Variants in ELFN2 observed in about 807,000 individuals in gnomAD.
ELFN2 encodes extracellular leucine rich repeat and fibronectin type III domain containing 2, also known as protein phosphatase 1 regulatory subunit 29.
A neutral mutation model predicts 45.5 loss-of-function variants in ELFN2; 17 were observed. The ratio of observed to expected loss-of-function variants is 0.37; its 90% CI spans 0.26 to 0.56. ELFN2 has a LOEUF of 0.56. ELFN2 is among the 20% of genes least tolerant of loss of function. The pLI, the probability that ELFN2 is intolerant of heterozygous loss-of-function variation, is 0.77. For missense variants in ELFN2, 922 were observed against 1,183.2 expected, an observed-to-expected ratio of 0.78 and a Z score of 3.24; for synonymous variants, 550 against 551.5, an observed-to-expected ratio of 1.00 and a Z score of 0.04.
downstream of ELFN2, among the ~76,000 whole-genome samples, chr22:37,363,084 G>A (rs547790237): frequency 6.6e-6 from 1 of 152,168 alleles, no homozygotes; most frequent in African/African-American, 2.4e-5. Flanking sequence ...CAGCTCCCTT[G>A]GTGGGTCAGT....
At chr22:37,364,323 C>T (rs945263878), downstream of ELFN2, among the ~76,000 whole-genome samples, 2 of 152,172 alleles carry the variant, frequency 1.3e-5, no homozygotes, top group African/African-American at 4.8e-5. Flanking sequence ...GGCCACGGGG[C>T]AGCCTCAGGG....
At chr22:37,359,521 A>G (rs1400820735) in intron 1 of ELFN2, among the ~76,000 whole-genome samples, 1 of 152,184 alleles carries the variant, frequency 6.6e-6, no homozygotes, top group Non-Finnish European at 1.5e-5. Context: ...AGCCTCCTTC[A>G]TTCAGCCAAC....
chr22:37,343,815 C>T (rs1930622451), intron 1 of ELFN2, among the ~76,000 whole-genome samples: 1 of 151,732 alleles, frequency 6.6e-6, no homozygotes, highest in African/African-American at 2.4e-5. Flanking sequence ...TTCTAATCCT[C>T]CCCACACCCT....
At chr22:37,342,194 C>T (rs73408357) in intron 2 of ELFN2, among the ~76,000 whole-genome samples, 2,917 of 152,286 alleles carry the variant, frequency 0.019, 83 homozygotes, top group African/African-American at 0.067. Flanking sequence ...CACGGAGAAG[C>T]GGAGTGAAGC....
At chr22:37,421,443 C>T (rs1217483542) in intron 1 of ELFN2, among the ~76,000 whole-genome samples, 1 of 152,210 alleles carries the variant, frequency 6.6e-6, no homozygotes, top group Non-Finnish European at 1.5e-5. Context: ...CCACACCTGG[C>T]CTCCAGCCTG....
At chr22:37,410,288 T>C (rs1480982337) in intron 2 of ELFN2, among the ~76,000 whole-genome samples, 1 of 152,120 alleles carries the variant, frequency 6.6e-6, no homozygotes, top group East Asian at 1.9e-4. Context: ...GCAGCCACTT[T>C]AGGCTGGTCC....
chr22:37,379,227 G>A (rs577228725), intron 2 of ELFN2, among the ~76,000 whole-genome samples: 24 of 152,296 alleles, frequency 1.6e-4, no homozygotes, highest in East Asian at 7.7e-4. Context: ...CAGGGGACAC[G>A]GGCACCTGCT....
intron 1 of ELFN2, among the ~76,000 whole-genome samples, chr22:37,344,650 T>A (rs7285437): frequency 0.45 from 68,100 of 151,908 alleles, 15,642 homozygotes; most frequent in Middle Eastern, 0.53. Flanking sequence ...CCACACTGTC[T>A]CTACCCCCCT....
At chr22:37,402,955 A>G (rs924415687) in intron 2 of ELFN2, among the ~76,000 whole-genome samples, 6 of 152,004 alleles carry the variant, frequency 3.9e-5, no homozygotes, top group Non-Finnish European at 1.5e-5. Flanking sequence ...TCTCCTCCAC[A>G]TCCTCCACTT....
intron 1 of ELFN2, among the ~76,000 whole-genome samples, chr22:37,357,162 A>G (rs1930971784): frequency 6.6e-6 from 1 of 152,166 alleles, no homozygotes; most frequent in African/African-American, 2.4e-5. Context: ...TATGTCTCGT[A>G]TTCCAGCCAC....
At chr22:37,396,473 C>T (rs9610733) in intron 2 of ELFN2, among the ~76,000 whole-genome samples, 33,320 of 152,158 alleles carry the variant, frequency 0.22, 3,875 homozygotes, top group South Asian at 0.39. Context: ...GATCCCCCAG[C>T]GGGCACACCT....
Position 37,374,355 on chromosome 22 carries a change from T to A in ELFN2, c.1180A>T (p.Thr394Ser). The A allele has an allele frequency of 1.2e-6, 2 of 1,613,886 alleles. No individual in the cohort carries two copies. Among genetic ancestry groups the A allele is most frequent in the Non-Finnish European group, 1.7e-6 (2 of 1,179,978 alleles). Residue 394 changes from threonine to serine, a missense_variant, in exon 3 of 3, where the codon ACC (threonine) becomes TCC (serine). Thr to Ser is a moderately conservative substitution (Grantham distance 58). This residue lies in a region of ELFN2 where 564 missense variants were observed against 642.8 expected (regional missense o/e 0.88). Transcript: ENST00000402918. The part of the protein sequence containing the change: ...PGDLAPSTST[T>S]THYIMTILGC... ...AGGATGGTCATGATGTAGTGGGTGG[T>A]GGTGGAGGTGCTGGGCGCCAAGTCT...
intron 1 of ELFN2, among the ~76,000 whole-genome samples, chr22:37,348,602 G>A (rs1272854849): frequency 6.6e-6 from 1 of 150,514 alleles, no homozygotes; most frequent in Non-Finnish European, 1.5e-5. Flanking sequence ...TCGGGGCAGG[G>A]CTCCTGTCCC....
In ELFN2 at chr22:37,375,835, T is replaced by TCCC; in HGVS notation, c.-304_-302dup. ...AGGGTTCTCAGGGCTTGACTTCCTC[T>TCCC]CCCTCCTCCTCCTCCTCCTCCTCCT... is the stretch of plus-strand genomic sequence containing the variant. On this transcript the variant is annotated 5_prime_UTR_variant, in exon 3 of 3. Transcript: ENST00000402918. 7 of 385,420 alleles carry TCCC rather than the reference T, an allele frequency of 1.8e-5. No homozygotes were observed. The highest frequency in any genetic ancestry group is 1.0e-4 in the South Asian group (2 of 19,180). The allele number at this position is 385,420 out of a possible 1,614,324, so 23.9% of individuals were successfully genotyped here. A position where few individuals can be genotyped will look rare whatever the true frequency, so the allele number is the denominator to read the frequency against.
intron 2 of ELFN2, among the ~76,000 whole-genome samples, chr22:37,387,811 A>G (rs1359999142): frequency 6.6e-6 from 1 of 151,074 alleles, no homozygotes; most frequent in East Asian, 2.0e-4. Flanking sequence ...GAGCCCTTCA[A>G]CCCTTCCCAA....
intron 1 of ELFN2, chr22:37,426,823 C>T (rs1168941023): frequency 6.6e-6 from 1 of 152,142 alleles, no homozygotes; most frequent in Non-Finnish European, 1.5e-5. Context: ...CAAGCCCCAC[C>T]CTGGCCCCCC....
chr22:37,380,118 T>A (rs1931709890), intron 2 of ELFN2, among the ~76,000 whole-genome samples: 1 of 152,156 alleles, frequency 6.6e-6, no homozygotes, highest in Non-Finnish European at 1.5e-5. Context: ...CTCCCAAGCT[T>A]CCCTGTCAGG....
At chr22:37,341,445 C>G (rs953604969) in intron 2 of ELFN2, among the ~76,000 whole-genome samples, 1 of 151,794 alleles carries the variant, frequency 6.6e-6, no homozygotes, top group Non-Finnish European at 1.5e-5. Flanking sequence ...CTGTGCTCAC[C>G]CGCCTGGGTC....
intron 2 of ELFN2, among the ~76,000 whole-genome samples, chr22:37,380,463 C>T (rs1397419805): frequency 6.6e-6 from 1 of 152,166 alleles, no homozygotes; most frequent in Admixed American, 6.5e-5. Context: ...CCCAGGCTCC[C>T]GCTTGTGTGG....
Sources: gnomAD v4.1 joint callset for allele counts (sites outside exome capture counted in the v4.1 genomes callset) on GRCh38, gnomAD v4.1.1 for gene constraint, gnomAD v4.1.1 regional missense constraint, MANE v1.5 for transcripts, NCBI Gene and HGNC (gene_info 2026-07-23, HGNC 2026-07-21) for gene names.